Variants in TANC2 observed in about 807,000 individuals in gnomAD.
TANC2 encodes the protein protein TANC2.
TANC2 carries 26 observed loss-of-function variants against 210.5 expected under a neutral mutation model. The observed-to-expected ratio is 0.12, with a 90% confidence interval of 0.09 to 0.17. The LOEUF (loss-of-function observed/expected upper bound fraction) is 0.17, where lower values mean the gene tolerates loss of function less well. Among genes scored for constraint, TANC2 ranks in the 10% least tolerant of loss-of-function variants. The pLI, the probability that TANC2 is intolerant of heterozygous loss-of-function variation, is 1.00. For synonymous variants in TANC2, 931 were observed against 967.1 expected, an observed-to-expected ratio of 0.96 and a Z score of 0.69; for missense variants, 2,129 against 2,608.9, an observed-to-expected ratio of 0.82 and a Z score of 4.01.
intron 9 of TANC2, among the ~76,000 whole-genome samples, chr17:63,269,592 A>G (rs919355385): frequency 2.6e-5 from 4 of 152,196 alleles, no homozygotes; most frequent in African/African-American, 9.6e-5. Context: ...TAGATGTTAT[A>G]CTACATAGAA....
chr17:63,243,847 T>C (rs562758403), intron 8 of TANC2, among the ~76,000 whole-genome samples: 1 of 152,288 alleles, frequency 6.6e-6, no homozygotes, highest in Non-Finnish European at 1.5e-5. Flanking sequence ...TCAAGACACC[T>C]TTGTAAGTGA....
chr17:63,282,982 T>C (rs2044104706), intron 9 of TANC2, among the ~76,000 whole-genome samples: 1 of 152,086 alleles, frequency 6.6e-6, no homozygotes, highest in Admixed American at 6.5e-5. Context: ...CTTGTGAATT[T>C]ATGTCTTAGA....
chr17:63,240,110 AG>A (rs1182923885), intron 8 of TANC2, among the ~76,000 whole-genome samples: 2 of 152,234 alleles, frequency 1.3e-5, no homozygotes, highest in Admixed American at 6.5e-5. Context: ...GAAAAGTTCC[AG>A]GCAAGCCTGA....
intron 8 of TANC2, among the ~76,000 whole-genome samples, chr17:63,241,887 A>G (rs1186406719): frequency 6.6e-6 from 1 of 152,202 alleles, no homozygotes; most frequent in Non-Finnish European, 1.5e-5. Context: ...CAAAGACACT[A>G]AACGGATTTG....
intron 5 of TANC2, among the ~76,000 whole-genome samples, chr17:63,158,684 G>C (rs1010054072): frequency 6.6e-6 from 1 of 152,082 alleles, no homozygotes; most frequent in Non-Finnish European, 1.5e-5. Context: ...CTTCAGAGTA[G>C]GTATTTGTAT....
intron 4 of TANC2, among the ~76,000 whole-genome samples, chr17:63,129,974 T>G (rs2038858861): frequency 6.6e-6 from 1 of 152,106 alleles, no homozygotes; most frequent in Non-Finnish European, 1.5e-5. Context: ...TAAGAACAAC[T>G]ATGAGCAAGA....
chr17:63,138,561 C>T (rs932632451), intron 4 of TANC2, among the ~76,000 whole-genome samples: 9 of 152,086 alleles, frequency 5.9e-5, no homozygotes, highest in African/African-American at 2.2e-4. Flanking sequence ...CTTGCATATC[C>T]TGTCCCTTCT....
At chr17:63,244,457 CTGGGGACAATGGTTT>C (rs1172795398) in intron 8 of TANC2, among the ~76,000 whole-genome samples, 1 of 152,190 alleles carries the variant, frequency 6.6e-6, no homozygotes, top group African/African-American at 2.4e-5. Flanking sequence ...TGCAGCTGAT[CTGGGGACAATGGTTT>C]TGGCACCCAT....
In TANC2 at chr17:63,002,667, C is replaced by T. The variant is rs376727654; in HGVS notation, c.-23-6870C>T. On this transcript the variant is annotated intron_variant, in intron 1 of 27. Coordinates refer to ENST00000689528, the Ensembl canonical transcript of TANC2. ...TCTAAGTTGATCCCCATATCTACCC[C>T]CAAGAGACAACCATTATTCTGATTT... Among the ~76,000 whole-genome samples, 9 of 152,138 alleles carry T rather than the reference C, an allele frequency of 5.9e-5. No homozygotes were observed. The East Asian group carries it at 1.7e-3, about 29-fold the overall frequency.
Position 63,029,099 on chromosome 17 carries a change from C to T in TANC2, c.67+19473C>T, listed in dbSNP as rs1473204472. Reference sequence around the variant, plus strand: ...CTTCATACAGTTGATTCAGATTCAGCATACATTTATTAAATGTTTATTATG... The same window carrying T: ...CTTCATACAGTTGATTCAGATTCAGTATACATTTATTAAATGTTTATTATG... On this transcript the variant is annotated intron_variant, in intron 2 of 27. Transcript: ENST00000689528. Among the ~76,000 whole-genome samples the T allele has an allele frequency of 1.4e-4, 21 of 152,188 alleles. No homozygotes were observed. The East Asian group carries it at 4.0e-3, about 29-fold the overall frequency.
chr17:63,381,772 G>T (rs568402146), intron 15 of TANC2, among the ~76,000 whole-genome samples: 13 of 152,216 alleles, frequency 8.5e-5, no homozygotes, highest in Middle Eastern at 3.4e-3. Context: ...TGCTTTCCCT[G>T]TTTTCTTAAG....
At chr17:63,391,246 C>A (rs192793922) in intron 17 of TANC2, 3 of 152,338 alleles carry the variant, frequency 2.0e-5, no homozygotes, top group Admixed American at 2.0e-4. Context: ...TTCCCTTTCA[C>A]CTCTGCCAAA....
rs567771417 is a variant in TANC2 at position 63,239,163 on chromosome 17, A to G, written c.1033+1086A>G. 8.5e-5 allele frequency among the ~76,000 whole-genome samples: 13 copies of G among 152,070 alleles called. No homozygotes were observed. In the East Asian group the frequency reaches 2.5e-3, roughly 29 times the overall value. On this transcript the variant is annotated intron_variant, in intron 8 of 27. Transcript: ENST00000689528. ...ACCTTGTCTCTAAAAAAAAAAAAAA[A>G]AGAAAGAAATGATACTGAGGGTTAA...
exon 28 of TANC2, chr17:63,423,917 A>G (rs143700507): frequency 2.6e-5 from 4 of 152,208 alleles, no homozygotes; most frequent in East Asian, 1.9e-4. Flanking sequence ...CTCCATCTCT[A>G]TACCCCTCTC....
chr17:63,170,243 G>A (rs1598517696), intron 5 of TANC2, among the ~76,000 whole-genome samples: 2 of 150,412 alleles, frequency 1.3e-5, no homozygotes, highest in South Asian at 2.1e-4. Context: ...TGGCTAACAC[G>A]GTGAAATCCC....
rs528705131 is a variant in TANC2, at chr17:63,248,595, T to A, written c.1033+10518T>A. On this transcript the variant is annotated intron_variant, in intron 8 of 27. Transcript: ENST00000689528. ...AATGGTCCTTGCCATGATACAGATT[T>A]CTCCCCAATTTGGGAAGAGGATCAC... Among the ~76,000 whole-genome samples the A allele has an allele frequency of 5.3e-5, 8 of 152,290 alleles. No homozygotes were observed. In the South Asian group the frequency reaches 1.2e-3, roughly 24 times the overall value.
At chr17:63,096,089 G>A (rs867505980) in intron 3 of TANC2, among the ~76,000 whole-genome samples, 8 of 152,206 alleles carry the variant, frequency 5.3e-5, no homozygotes, top group Middle Eastern at 6.8e-3. Context: ...TACACTAATG[G>A]CATGCCTCTT....
intron 8 of TANC2, among the ~76,000 whole-genome samples, chr17:63,265,357 A>C (rs2146255146): frequency 6.6e-6 from 1 of 152,266 alleles, no homozygotes; most frequent in Admixed American, 6.5e-5. Context: ...AGGGATACTC[A>C]ACCTATATCA....
At chr17:63,001,845 G>A (rs532399018) in intron 1 of TANC2, among the ~76,000 whole-genome samples, 12 of 152,222 alleles carry the variant, frequency 7.9e-5, no homozygotes, top group Admixed American at 7.9e-4. Flanking sequence ...ACTGCGCCTG[G>A]TCAAGACCAG....
Sources: allele counts gnomAD v4.1 joint callset (sites outside exome capture counted in the v4.1 genomes callset), GRCh38; gene constraint gnomAD v4.1.1; transcripts MANE v1.5; gene names NCBI Gene and HGNC (gene_info 2026-07-23, HGNC 2026-07-21).